Variants in HTT observed in about 807,000 individuals in gnomAD.
HTT encodes the protein huntington disease protein.
HTT carries 104 observed loss-of-function variants against 362.3 expected under a neutral mutation model. The ratio of observed to expected loss-of-function variants is 0.29; its 90% CI spans 0.24 to 0.34. HTT has a LOEUF of 0.34. Ranked by LOEUF, HTT falls within the 10% of genes least tolerant of loss-of-function variation. The pLI is 1.00. For missense variants in HTT, 3,301 were observed against 3,928.6 expected (o/e 0.84, Z 4.27); for synonymous variants, 1,577 against 1,548.7 (o/e 1.02, Z -0.43).
chr4:3,236,197 C>T lies in HTT; in HGVS notation c.8834C>T (p.Ala2945Val). The T allele has an allele frequency of 6.2e-7, 1 of 1,614,056 alleles. No homozygotes were observed. Among genetic ancestry groups the T allele is most frequent in the South Asian group, 1.1e-5 (1 of 91,080 alleles). Residue 2945 changes from alanine to valine, a missense_variant, in exon 64 of 67, where the codon GCC becomes GTC. Ala to Val is a moderately conservative substitution (Grantham distance 64). Coordinates refer to ENST00000355072, the MANE Select transcript of HTT (RefSeq NM_001388492.1). ...PGRTSDPNPA[A>V]PDSESVIVAM... is the part of the protein sequence containing the mutation. ...AGAACTTCAGACCCTAATCCTGCAG[C>T]CCCCGACAGCGAGTCAGTGATTGTT...
chr4:3,144,874 C>T (rs1301894819), intron 23 of HTT, among the ~76,000 whole-genome samples: 1 of 152,116 alleles, frequency 6.6e-6, no homozygotes, highest in African/African-American at 2.4e-5. Flanking sequence ...TAAGGATGTG[C>T]AGGGGCAGTT....
At position 3,148,212 on chromosome 4, in the gene HTT, T is replaced by C. The variant is rs751102993; in HGVS notation, c.3498+5T>C. On this transcript the variant is annotated splice_donor_5th_base_variant and intron_variant, in intron 26 of 66. Coordinates refer to ENST00000355072, the MANE Select transcript of HTT (RefSeq NM_001388492.1). ...GCTCCTGGACCCGCAATAAAGGTAA[T>C]GTCCCACTTGGGTGCTGGATTCATA... 6 of 1,555,144 alleles carry C rather than the reference T, an allele frequency of 3.9e-6. No homozygotes were observed. In the South Asian group the frequency reaches 7.1e-5, roughly 18 times the overall value.
intron 40 of HTT, among the ~76,000 whole-genome samples, chr4:3,198,891 T>C (rs962555401): frequency 3.3e-5 from 5 of 152,212 alleles, no homozygotes; most frequent in Non-Finnish European, 1.5e-5. Flanking sequence ...CTGTCAGGTG[T>C]CAGGAGCCTG....
Position 3,211,928 on chromosome 4 carries a change from G to C in HTT, c.6415-1G>C. Reference sequence around the variant, plus strand: ...GTTAACCTTTAATGCTCTGATTTCAGGAGTTCAACCTAAGCCTGCTAGCTC... The same window carrying C: ...GTTAACCTTTAATGCTCTGATTTCACGAGTTCAACCTAAGCCTGCTAGCTC... On this transcript the variant is annotated splice_acceptor_variant, in intron 47 of 66. Coordinates refer to ENST00000355072, the MANE Select transcript of HTT (RefSeq NM_001388492.1). LOFTEE classifies it high-confidence loss of function. 1 of 1,611,938 alleles carries C rather than the reference G, an allele frequency of 6.2e-7. No homozygotes were observed. Among genetic ancestry groups the C allele is most frequent in the Non-Finnish European group, 8.5e-7 (1 of 1,178,030 alleles).
chr4:3,099,811 A>G (rs906687829), intron 3 of HTT, among the ~76,000 whole-genome samples: 3 of 147,234 alleles, frequency 2.0e-5, no homozygotes, highest in South Asian at 4.3e-4. Flanking sequence ...GCTCTATTGT[A>G]TGGTTTGCAG....
intron 6 of HTT, among the ~76,000 whole-genome samples, chr4:3,112,612 T>TC (rs1346632119): frequency 6.6e-6 from 1 of 152,254 alleles, no homozygotes; most frequent in Non-Finnish European, 1.5e-5. Flanking sequence ...TTTAGGAGCT[T>TC]CATAGCATTC....
At chr4:3,105,290 G>A (rs1012789345) in intron 4 of HTT, 67 bp from the exon 5 acceptor site, 17 of 1,052,476 alleles carry the variant, frequency 1.6e-5, no homozygotes, top group African/African-American at 7.9e-5. Flanking sequence ...AAAATGCTTC[G>A]TTTCTATGCA....
chr4:3,193,944 A>G (rs573705589), intron 40 of HTT, among the ~76,000 whole-genome samples: 7 of 152,234 alleles, frequency 4.6e-5, no homozygotes, highest in Admixed American at 6.5e-5. Flanking sequence ...GTGTGTGTGT[A>G]TATATAAATG....
In HTT at chr4:3,236,269, C is replaced by T; in HGVS notation, c.8891+15C>T. 6.4e-7 allele frequency: 1 copy of T among 1,550,854 alleles called. No homozygotes were observed. The highest frequency in any genetic ancestry group is 8.9e-7 in the Non-Finnish European group (1 of 1,122,276). ...CTTTTTGATAGGTAAGAAGCGAAGCCCCATCCCTCAGCCGTTAGCTTCCCT... is the reference window on the plus strand; with the variant it reads ...CTTTTTGATAGGTAAGAAGCGAAGCTCCATCCCTCAGCCGTTAGCTTCCCT... On this transcript the variant is annotated intron_variant, in intron 64 of 66. Coordinates refer to ENST00000355072, the MANE Select transcript of HTT (RefSeq NM_001388492.1).
At chr4:3,163,020 G>C (rs901995921) in intron 29 of HTT, among the ~76,000 whole-genome samples, 3 of 152,168 alleles carry the variant, frequency 2.0e-5, no homozygotes, top group African/African-American at 7.2e-5. Flanking sequence ...CGAAGGGAAT[G>C]CTTCCAGTTT....
chr4:3,232,735 C>G (rs781566117), intron 60 of HTT, among the ~76,000 whole-genome samples: 1 of 152,228 alleles, frequency 6.6e-6, no homozygotes, highest in Admixed American at 6.5e-5. Flanking sequence ...CCAGCGGGGT[C>G]GTGCAGGACG....
At position 3,074,755 on chromosome 4, in the gene HTT, C is replaced by T; in HGVS notation, c.-71C>T. The T allele has an allele frequency of 2.0e-6, 3 of 1,463,880 alleles. No homozygotes were observed. The highest frequency in any genetic ancestry group is 2.7e-6 in the Non-Finnish European group (3 of 1,102,300). 90.7% of individuals were successfully genotyped at this position (1,463,880 alleles called of 1,614,324 possible). On this transcript the variant is annotated 5_prime_UTR_variant, in exon 1 of 67. Transcript: ENST00000355072. ...CTGCGGCCCAGAGCCCCATTCATTG[C>T]CCCGGTGCTGAGCGGCGCCGCGAGT...
In HTT at chr4:3,127,476, G is replaced by A. The variant is rs141760655; in HGVS notation, c.1615G>A (p.Ala539Thr). 153 of 1,614,132 alleles carry A rather than the reference G, an allele frequency of 9.5e-5. No homozygotes were observed. Among genetic ancestry groups the A allele is most frequent in the African/African-American group, 8.4e-4 (63 of 75,042 alleles). ...ILSHSSSQVSAVPSDPAMDLN... is the reference protein window; with the variant it reads ...ILSHSSSQVSTVPSDPAMDLN... The stretch of plus-strand genomic sequence containing the variant: ...GAGCCACAGCTCCAGCCAGGTCAGC[G>A]CCGTCCCATCTGACCCTGCCATGGA... Residue 539 changes from alanine (A) to threonine (T), a missense_variant, in exon 12 of 67, where the codon GCC becomes ACC. Ala to Thr is a moderately conservative substitution (Grantham distance 58, BLOSUM62 0). Coordinates refer to ENST00000355072, the MANE Select transcript of HTT (RefSeq NM_001388492.1).
In HTT at chr4:3,131,391, A is replaced by G. The variant is rs1167737508; in HGVS notation, c.2092A>G (p.Lys698Glu). The G allele has an allele frequency of 4.3e-6, 7 of 1,611,040 alleles. No homozygotes were observed. The highest frequency in any genetic ancestry group is 4.5e-5 in the East Asian group (2 of 44,882). The change falls in exon 15 of 67, where the codon AAA becomes GAA. Residue 698 changes from lysine (K) to glutamate (E), a missense_variant. Transcript: ENST00000355072. ...LSASFLLTGG[K>E]NVLVPDRDVR... ...TGCTTCGTTTTTGCTAACAGGGGGA[A>G]AAAATGGTGAGTACAAAAGGGGATG...
chr4:3,120,654 T>TGC (rs1194799052), intron 8 of HTT, among the ~76,000 whole-genome samples: 3 of 152,226 alleles, frequency 2.0e-5, no homozygotes, highest in Admixed American at 6.5e-5. Flanking sequence ...GTCTAGGTTG[T>TGC]GCGCTCCTTA....
At chr4:3,173,304 G>T (rs1465000284) in intron 31 of HTT, 173 bp downstream of exon 31, 2 of 618,454 alleles carry the variant, frequency 3.2e-6, no homozygotes, top group Non-Finnish European at 5.7e-6. Context: ...TTAAGGCATA[G>T]CCCGGCCTTC....
At chr4:3,151,592 G>A (rs374981031) in intron 26 of HTT, among the ~76,000 whole-genome samples, 1 of 152,156 alleles carries the variant, frequency 6.6e-6, no homozygotes, top group Non-Finnish European at 1.5e-5. Context: ...CCATATCAGA[G>A]CATGAACCCT....
chr4:3,231,005 A>T (rs905751596), intron 60 of HTT, among the ~76,000 whole-genome samples: 5 of 152,232 alleles, frequency 3.3e-5, no homozygotes, highest in Non-Finnish European at 5.9e-5. Flanking sequence ...ATTCTGTGGC[A>T]CATCACCACA....
chr4:3,191,926 A>G (rs1285593468), intron 40 of HTT, among the ~76,000 whole-genome samples: 1 of 152,224 alleles, frequency 6.6e-6, no homozygotes, highest in Non-Finnish European at 1.5e-5. Context: ...AAACTAGAGT[A>G]AGAGAAAGAA....
Sources: gnomAD v4.1 joint callset for allele counts (sites outside exome capture counted in the v4.1 genomes callset) on GRCh38, gnomAD v4.1.1 for gene constraint, MANE v1.5 for transcripts, NCBI Gene and HGNC (gene_info 2026-07-23, HGNC 2026-07-21) for gene names.